Variants in MAP1B observed in about 807,000 individuals in gnomAD.
MAP1B encodes microtubule associated protein 1B.
In MAP1B, 12 loss-of-function variants were observed where a neutral mutation model predicts 176.1. The ratio of observed to expected loss-of-function variants is 0.07; its 90% CI spans 0.04 to 0.11. The LOEUF is 0.11. Ranked by LOEUF, MAP1B falls within the 10% of genes least tolerant of loss-of-function variation. The pLI is 1.00. For missense variants in MAP1B, 2,523 were observed against 2,990.5 expected, an observed-to-expected ratio of 0.84 and a Z score of 3.65; for synonymous variants, 1,044 against 1,135.0, an observed-to-expected ratio of 0.92 and a Z score of 1.61.
intron 2 of MAP1B, among the ~76,000 whole-genome samples, chr5:72,156,558 C>A (rs1396675220): frequency 2.6e-5 from 4 of 152,210 alleles, no homozygotes; most frequent in African/African-American, 9.7e-5. Flanking sequence ...CTATCCACTT[C>A]TGACCTCAGA....
intron 2 of MAP1B, among the ~76,000 whole-genome samples, chr5:72,177,207 A>G (rs2112202079): frequency 6.6e-6 from 1 of 152,252 alleles, no homozygotes; most frequent in East Asian, 1.9e-4. Flanking sequence ...GTCTTCTGTT[A>G]GGCTGGGTTG....
chr5:72,186,655 C>G lies in MAP1B; in HGVS notation c.411C>G (p.Leu137=), dbSNP rs373867264. 5.9e-5 allele frequency: 95 copies of G among 1,614,092 alleles called. No individual in the cohort carries two copies. Among genetic ancestry groups the G allele is most frequent in the Non-Finnish European group, 6.9e-5 (81 of 1,180,050 alleles). Reference sequence around the variant, plus strand: ...CTGATGCTGCCCGACACAAGCTGCTCGTGCTGACCGGGCAGTGCTTTGAAA... The same window carrying G: ...CTGATGCTGCCCGACACAAGCTGCTGGTGCTGACCGGGCAGTGCTTTGAAA... ...MITDAARHKL[L]VLTGQCFENT... is the part of the protein sequence containing the mutation. Residue 137 remains leucine (L), a synonymous_variant, in exon 4 of 7, where the codon CTC becomes CTG. Coordinates refer to ENST00000296755, the MANE Select transcript of MAP1B (RefSeq NM_005909.5). The surrounding 1 kb of genome is among the most constrained non-coding windows in gnomAD (Gnocchi z 4.3).
At chr5:72,187,942 G>A (rs920255130) in intron 4 of MAP1B, among the ~76,000 whole-genome samples, 2 of 152,174 alleles carry the variant, frequency 1.3e-5, no homozygotes, top group Non-Finnish European at 2.9e-5. Context: ...CACATACCAG[G>A]ATGGGATCCC....
Position 72,198,725 on chromosome 5 carries a change from A to T in MAP1B, c.5370A>T (p.Arg1790=). 6.2e-7 allele frequency: 1 copy of T among 1,614,158 alleles called. No homozygotes were observed. The highest frequency in any genetic ancestry group is 1.3e-5 in the African/African-American group (1 of 75,034). ...PKSDISPLTP[R]ESSPLYSPTF... is the part of the protein sequence containing the mutation. ...CTGATATCTCTCCACTCACCCCACGAGAGTCCTCTCCTTTATATTCACCTA... is the reference window on the plus strand; with the variant it reads ...CTGATATCTCTCCACTCACCCCACGTGAGTCCTCTCCTTTATATTCACCTA... Residue 1790 remains arginine (R), a synonymous_variant, in exon 5 of 7, where the codon CGA becomes CGT. Coordinates refer to ENST00000296755, the MANE Select transcript of MAP1B (RefSeq NM_005909.5).
intron 2 of MAP1B, among the ~76,000 whole-genome samples, chr5:72,145,673 A>G (rs1746031535): frequency 6.6e-6 from 1 of 152,228 alleles, no homozygotes; most frequent in African/African-American, 2.4e-5. Flanking sequence ...CTCCTTCAAG[A>G]AGCAGTGAAG....
intron 5 of MAP1B, among the ~76,000 whole-genome samples, chr5:72,201,580 T>C (rs1412757587): frequency 6.6e-6 from 1 of 152,244 alleles, no homozygotes; most frequent in Non-Finnish European, 1.5e-5. Context: ...TCATACATTT[T>C]ATTTGCTTTA....
chr5:72,168,037 C>T (rs1372924486), intron 2 of MAP1B, among the ~76,000 whole-genome samples: 1 of 152,260 alleles, frequency 6.6e-6, no homozygotes, highest in Non-Finnish European at 1.5e-5. Context: ...CCACTTGGCT[C>T]TTGCCCCTGT....
chr5:72,178,482 G>A (rs1746695764), intron 2 of MAP1B, among the ~76,000 whole-genome samples: 1 of 152,234 alleles, frequency 6.6e-6, no homozygotes, highest in Non-Finnish European at 1.5e-5. Context: ...GCTGGAAGTA[G>A]TTGGTAGGTG....
chr5:72,122,914 C>G (rs138670375), intron 2 of MAP1B, among the ~76,000 whole-genome samples: 1 of 152,170 alleles, frequency 6.6e-6, no homozygotes, highest in Non-Finnish European at 1.5e-5. Context: ...TCTCCAGAGA[C>G]CAAAGAGAGC....
intron 2 of MAP1B, among the ~76,000 whole-genome samples, chr5:72,150,035 A>C (rs1746114389): frequency 1.3e-5 from 2 of 152,232 alleles, no homozygotes; most frequent in Non-Finnish European, 2.9e-5. Context: ...AATAAGAGCT[A>C]GGCCTAGGCC....
chr5:72,115,616 A>C (rs55770212), intron 1 of MAP1B, 82 bp from the exon 2 acceptor site: 54 of 828,298 alleles, frequency 6.5e-5, no homozygotes, highest in Middle Eastern at 2.2e-4. Context: ...TGAAAGCCTG[A>C]GAAATATTAC....
intron 1 of MAP1B, among the ~76,000 whole-genome samples, chr5:72,111,418 T>G (rs929216184): frequency 1.3e-5 from 2 of 152,224 alleles, no homozygotes; most frequent in African/African-American, 2.4e-5. Flanking sequence ...GCTCTGCATT[T>G]TTAGATAAAA....
chr5:72,147,667 C>T (rs1476436947), intron 2 of MAP1B, among the ~76,000 whole-genome samples: 2 of 152,220 alleles, frequency 1.3e-5, no homozygotes, highest in African/African-American at 4.8e-5. Flanking sequence ...CTCCCAGGGA[C>T]TACCCATCCT....
chr5:72,127,976 C>T (rs767936211), intron 2 of MAP1B, among the ~76,000 whole-genome samples: 2 of 152,068 alleles, frequency 1.3e-5, no homozygotes, highest in African/African-American at 4.8e-5. Flanking sequence ...CTTCTCCCAC[C>T]CAAATAGAAT....
intron 4 of MAP1B, among the ~76,000 whole-genome samples, chr5:72,188,067 C>G (rs545407828): frequency 6.6e-6 from 1 of 152,166 alleles, no homozygotes; most frequent in East Asian, 1.9e-4. Flanking sequence ...CTAGAGTTCA[C>G]GCATCTTGCC....
rs1005605575 is a variant in MAP1B at position 72,208,418 on chromosome 5, TAAAC to T, written c.*3183_*3186del. ...ATCATGACCTTTTTGGTAGTATTCT[TAAAC>T]AAAATTCTACAGAGACTAAATGTTA... On this transcript the variant is annotated 3_prime_UTR_variant, in exon 7 of 7. Coordinates refer to ENST00000296755, the MANE Select transcript of MAP1B (RefSeq NM_005909.5). 6 of 152,190 alleles carry T rather than the reference TAAAC, an allele frequency of 3.9e-5. No homozygotes were observed. Among genetic ancestry groups the T allele is most frequent in the Non-Finnish European group, 7.4e-5 (5 of 68,024 alleles). The allele number at this position is 152,190 out of a possible 1,614,324, so 9.4% of individuals were successfully genotyped here.
chr5:72,117,082 G>T (rs1323998781), intron 2 of MAP1B, among the ~76,000 whole-genome samples: 1 of 142,728 alleles, frequency 7.0e-6, no homozygotes, highest in Non-Finnish European at 1.5e-5. Flanking sequence ...AGCTTAGCAA[G>T]AAATGGTTTA....
chr5:72,194,411 T>G lies in MAP1B; in HGVS notation c.1056T>G (p.Pro352=). Residue 352 remains proline, a synonymous_variant, in exon 5 of 7, where the codon CCT becomes CCG. Transcript: ENST00000296755. This position sits in a 1 kb window ranked among gnomAD's most constrained non-coding sequence, Gnocchi z 7.2. ...NSDWMKNLIS[P]DLGVVFLNVP... The stretch of plus-strand genomic sequence containing the variant: ...ACTGGATGAAAAACCTCATCTCCCC[T>G]GACTTAGGAGTTGTATTTCTCAATG... The G allele has an allele frequency of 6.2e-7, 1 of 1,614,150 alleles. No homozygotes were observed. Among genetic ancestry groups the G allele is most frequent in the Non-Finnish European group, 8.5e-7 (1 of 1,180,034 alleles).
chr5:72,111,414 C>T (rs1326617094), intron 1 of MAP1B, among the ~76,000 whole-genome samples: 1 of 152,194 alleles, frequency 6.6e-6, no homozygotes, highest in Non-Finnish European at 1.5e-5. Context: ...TACTGCTCTG[C>T]ATTTTTAGAT....
Sources: allele counts gnomAD v4.1 joint callset (sites outside exome capture counted in the v4.1 genomes callset), GRCh38; gene constraint gnomAD v4.1.1; non-coding constraint Gnocchi (gnomAD v3.1); transcripts MANE v1.5; gene names NCBI Gene and HGNC (gene_info 2026-07-23, HGNC 2026-07-21).